The following EIF4ENIF1 variants were observed in gnomAD, a reference collection of about 807,000 sequenced individuals.
The protein encoded by EIF4ENIF1 is eukaryotic translation initiation factor 4E nuclear import factor 1.
In EIF4ENIF1, 23 loss-of-function variants were observed where a neutral mutation model predicts 110.5. The ratio of observed to expected loss-of-function variants is 0.21; its 90% CI spans 0.15 to 0.29. EIF4ENIF1 has a LOEUF of 0.29. Among genes scored for constraint, EIF4ENIF1 ranks in the 10% least tolerant of loss-of-function variants. EIF4ENIF1 has a pLI of 1.00. For missense variants in EIF4ENIF1, 1,031 were observed against 1,221.1 expected, an observed-to-expected ratio of 0.84 and a Z score of 2.32; for synonymous variants, 440 against 437.0, an observed-to-expected ratio of 1.01 and a Z score of -0.09.
At chr22:31,451,946 A>G (rs1347913315) in intron 10 of EIF4ENIF1, among the ~76,000 whole-genome samples, 2 of 152,200 alleles carry the variant, frequency 1.3e-5, no homozygotes, top group South Asian at 2.1e-4. Context: ...AGGCATGACA[A>G]ATAGCTCAAG....
intron 7 of EIF4ENIF1, among the ~76,000 whole-genome samples, chr22:31,458,244 C>A (rs5753623): frequency 0.29 from 42,864 of 148,442 alleles, 7,035 homozygotes; most frequent in East Asian, 0.48. Flanking sequence ...AAAAAAACAA[C>A]AAAAAAAGAA....
intron 2 of EIF4ENIF1, among the ~76,000 whole-genome samples, chr22:31,476,024 A>G (rs989272772): frequency 3.3e-5 from 5 of 152,172 alleles, no homozygotes; most frequent in Non-Finnish European, 7.3e-5. Flanking sequence ...TAACACAGAA[A>G]TCCTAAGGAC....
chr22:31,455,051 CAGAGGTTATGTT>C (rs1485151807), intron 9 of EIF4ENIF1, 73 bp downstream of exon 9: 2 of 1,192,040 alleles, frequency 1.7e-6, no homozygotes, highest in African/African-American at 3.1e-5. Context: ...TTTTATGAAA[CAGAGGTTATGTT>C]AGACCCAACT....
chr22:31,476,486 C>T (rs2051576209), intron 2 of EIF4ENIF1, among the ~76,000 whole-genome samples: 2 of 151,974 alleles, frequency 1.3e-5, no homozygotes, highest in South Asian at 4.1e-4. Context: ...AATACTTTAA[C>T]AGAAGTAACA....
chr22:31,440,663 TA>T, intron 18 of EIF4ENIF1, 40 bp downstream of exon 18: 1 of 1,597,136 alleles, frequency 6.3e-7, no homozygotes, highest in Non-Finnish European at 8.5e-7. Flanking sequence ...CAAGACTCCC[TA>T]AGTCCGTCCC....
At chr22:31,437,048 G>A (rs974248770), downstream of EIF4ENIF1, 6 of 152,168 alleles carry the variant, frequency 3.9e-5, no homozygotes, top group African/African-American at 1.4e-4. Flanking sequence ...AATAGAGTCT[G>A]GCTTAAAAGA....
intron 15 of EIF4ENIF1, 114 bp downstream of exon 15, chr22:31,444,492 A>G: frequency 1.0e-6 from 1 of 959,342 alleles, no homozygotes; most frequent in Non-Finnish European, 1.7e-6. Flanking sequence ...CTACTAGGTC[A>G]GTTATTTCCG....
Position 31,468,254 on chromosome 22 carries a change from A to G in EIF4ENIF1, c.219T>C (p.Ala73=), listed in dbSNP as rs2051256310. 1.2e-6 allele frequency: 2 copies of G among 1,614,060 alleles called. No individual in the cohort carries two copies. Among genetic ancestry groups the G allele is most frequent in the Admixed American group, 3.3e-5 (2 of 59,996 alleles). ...TTTCCACTGGTGAGCTCCGCCCTGA[A>G]GCTGGGTAGAGAGAGGCATGCCACT... The part of the protein sequence containing the change: ...PEKWHASLYP[A]SGRSSPVESL... The change falls in exon 4 of 19, where the codon GCT becomes GCC. Residue 73 remains alanine, a synonymous_variant. Coordinates refer to ENST00000330125, the MANE Select transcript of EIF4ENIF1 (RefSeq NM_019843.4).
At chr22:31,446,303 A>G (rs1478965366) in intron 14 of EIF4ENIF1, among the ~76,000 whole-genome samples, 1 of 151,958 alleles carries the variant, frequency 6.6e-6, no homozygotes, top group African/African-American at 2.4e-5. Flanking sequence ...AAAAAAAGTT[A>G]AAAGTACTGT....
intron 2 of EIF4ENIF1, among the ~76,000 whole-genome samples, chr22:31,473,063 C>CT (rs36036794): frequency 0.041 from 5,404 of 133,144 alleles, 264 homozygotes; most frequent in African/African-American, 0.096. Context: ...TATGAGCGAG[C>CT]TTTTTTTTTT....
At chr22:31,465,103 C>A (rs1451789157) in intron 4 of EIF4ENIF1, among the ~76,000 whole-genome samples, 3 of 152,152 alleles carry the variant, frequency 2.0e-5, no homozygotes, top group African/African-American at 7.2e-5. Flanking sequence ...GTAGGTGGAT[C>A]ACCTGAGGTT....
chr22:31,474,959 G>A (rs959354447), intron 2 of EIF4ENIF1, among the ~76,000 whole-genome samples: 1 of 152,154 alleles, frequency 6.6e-6, no homozygotes, highest in Non-Finnish European at 1.5e-5. Context: ...ACATCTTGGG[G>A]TGAGGATGGA....
intron 2 of EIF4ENIF1, among the ~76,000 whole-genome samples, chr22:31,474,629 C>T (rs1410346585): frequency 1.3e-5 from 2 of 151,942 alleles, no homozygotes; most frequent in African/African-American, 2.4e-5. Flanking sequence ...GGTCTGGGAA[C>T]TGGGTATCCT....
At chr22:31,458,714 T>G in intron 6 of EIF4ENIF1, 64 bp from the exon 7 acceptor site, 1 of 1,442,834 alleles carries the variant, frequency 6.9e-7, no homozygotes, top group Admixed American at 2.0e-5. Flanking sequence ...CCTCTGTGGC[T>G]TCAGCCATCA....
chr22:31,443,904 C>T (rs2145901661), intron 15 of EIF4ENIF1, among the ~76,000 whole-genome samples: 1 of 150,790 alleles, frequency 6.6e-6, no homozygotes, highest in African/African-American at 2.4e-5. Context: ...AAGTGATCCT[C>T]CCACCTCGGC....
chr22:31,449,298 C>A, intron 12 of EIF4ENIF1, 50 bp downstream of exon 12: 2 of 1,572,400 alleles, frequency 1.3e-6, no homozygotes, highest in Non-Finnish European at 1.7e-6. Flanking sequence ...GCATGAGCTA[C>A]CGTGCCTGGC....
chr22:31,454,052 T>C, intron 10 of EIF4ENIF1, 92 bp downstream of exon 10: 1 of 1,186,248 alleles, frequency 8.4e-7, no homozygotes, highest in Non-Finnish European at 1.2e-6. Context: ...TCCAACTTAC[T>C]CAGAATACCT....
chr22:31,471,317 C>CT (rs58233170), intron 3 of EIF4ENIF1, among the ~76,000 whole-genome samples: 327 of 140,608 alleles, frequency 2.3e-3, no homozygotes, highest in African/African-American at 3.7e-3. Context: ...GGGTTCAAGT[C>CT]TTTTTTTTTT....
At chr22:31,452,746 A>G (rs1051625161) in intron 10 of EIF4ENIF1, among the ~76,000 whole-genome samples, 2 of 152,212 alleles carry the variant, frequency 1.3e-5, no homozygotes, top group African/African-American at 4.8e-5. Flanking sequence ...TTTGTATCTA[A>G]TAATTCTTTG....
Sources: allele counts gnomAD v4.1 joint callset (sites outside exome capture counted in the v4.1 genomes callset), GRCh38; gene constraint gnomAD v4.1.1; transcripts MANE v1.5; gene names NCBI Gene and HGNC (gene_info 2026-07-23, HGNC 2026-07-21).